Variants in TMCC1 observed in about 807,000 individuals in gnomAD.
TMCC1 encodes transmembrane and coiled-coil domains protein 1.
TMCC1 carries 15 observed loss-of-function variants against 52.4 expected under a neutral mutation model. That is an observed-to-expected ratio of 0.29 (90% confidence interval 0.19 to 0.44). TMCC1 has a LOEUF of 0.44. TMCC1 is among the 20% of genes least tolerant of loss of function. The pLI is 1.00. For missense variants in TMCC1, 503 were observed against 806.0 expected, an observed-to-expected ratio of 0.62 and a Z score of 4.55; for synonymous variants, 279 against 301.9, an observed-to-expected ratio of 0.92 and a Z score of 0.79.
At position 129,726,676 on chromosome 3, in the gene TMCC1, C is replaced by T. The variant is rs554168866; in HGVS notation, c.577-55412G>A. ...GGAGGATCACCTGAGGTCAAGAGTT[C>T]GAGACCAGCCTGGCCAACATGGTAA... On this transcript the variant is annotated intron_variant, in intron 4 of 6. Transcript: ENST00000393238. 5.3e-5 allele frequency among the ~76,000 whole-genome samples: 8 copies of T among 150,520 alleles called. No individual in the cohort carries two copies. In the East Asian group the frequency reaches 5.9e-4, roughly 11 times the overall value.
At chr3:129,666,774 A>G (rs2087491286) in intron 5 of TMCC1, among the ~76,000 whole-genome samples, 1 of 148,096 alleles carries the variant, frequency 6.8e-6, no homozygotes, top group Non-Finnish European at 1.5e-5. Flanking sequence ...AAAAGAAAAT[A>G]TATTTCAAAG....
chr3:129,812,966 T>A (rs2057904317), intron 4 of TMCC1, among the ~76,000 whole-genome samples: 1 of 152,062 alleles, frequency 6.6e-6, no homozygotes, highest in Admixed American at 6.6e-5. Flanking sequence ...TATAAGGAAC[T>A]TAAATCAGAC....
In TMCC1 at chr3:129,827,869, T is replaced by C; in HGVS notation, c.510A>G (p.Glu170=). Residue 170 remains glutamate, a synonymous_variant, in exon 4 of 7, where the codon GAA becomes GAG. Transcript: ENST00000393238. ...CAGCAGCAGCAGCAGCACAAGCTAT[T>C]TCCATCATAGCAGAGCTGGTAGGTG... is the stretch of plus-strand genomic sequence containing the variant. ...TDAPTSSAMM[E]IACAAAAAAA... The C allele has an allele frequency of 6.2e-7, 1 of 1,614,076 alleles. No individual in the cohort carries two copies. Among genetic ancestry groups the C allele is most frequent in the Non-Finnish European group, 8.5e-7 (1 of 1,179,976 alleles).
At chr3:129,891,395 CAT>C (rs1280012818) in intron 1 of TMCC1, among the ~76,000 whole-genome samples, 5 of 152,160 alleles carry the variant, frequency 3.3e-5, no homozygotes, top group East Asian at 1.9e-4. Flanking sequence ...TATTCTGTGA[CAT>C]GTGAAAATTT....
intron 2 of TMCC1, among the ~76,000 whole-genome samples, chr3:129,839,274 G>C (rs541030438): frequency 4.6e-5 from 7 of 152,134 alleles, no homozygotes; most frequent in Non-Finnish European, 7.3e-5. Context: ...AGGGAAAAGA[G>C]GGAAGAACTG....
intron 5 of TMCC1, among the ~76,000 whole-genome samples, chr3:129,661,690 C>T (rs1410025779): frequency 6.6e-6 from 1 of 152,064 alleles, no homozygotes; most frequent in Non-Finnish European, 1.5e-5. Flanking sequence ...GTAATCCCAG[C>T]TACTTGGGAG....
At chr3:129,823,234 G>T (rs1296608932) in intron 4 of TMCC1, among the ~76,000 whole-genome samples, 1 of 152,092 alleles carries the variant, frequency 6.6e-6, no homozygotes, top group Non-Finnish European at 1.5e-5. Context: ...GCTGAGGCAG[G>T]AGAATCGCTT....
chr3:129,734,885 CT>C (rs1173418507), intron 4 of TMCC1, among the ~76,000 whole-genome samples: 1 of 151,056 alleles, frequency 6.6e-6, no homozygotes, highest in East Asian at 1.9e-4. Context: ...CCATTAATCT[CT>C]TTATTTTTCT....
At chr3:129,880,819 CT>C (rs776346884) in intron 1 of TMCC1, among the ~76,000 whole-genome samples, 4 of 151,614 alleles carry the variant, frequency 2.6e-5, no homozygotes, top group Non-Finnish European at 2.9e-5. Context: ...ATCTGAAATA[CT>C]TCTGGTCTGA....
At chr3:129,856,148 TAA>T (rs2060137462) in intron 2 of TMCC1, among the ~76,000 whole-genome samples, 1 of 152,160 alleles carries the variant, frequency 6.6e-6, no homozygotes, top group Admixed American at 6.5e-5. Context: ...CATTTCAAAA[TAA>T]AGTTTTAAAA....
intron 4 of TMCC1, among the ~76,000 whole-genome samples, chr3:129,792,146 C>T (rs80128376): frequency 2.9e-4 from 44 of 150,270 alleles, no homozygotes; most frequent in African/African-American, 9.3e-4. Context: ...TTACTGAAGT[C>T]GGAAACATCT....
At chr3:129,811,363 C>G (rs1317624941) in intron 4 of TMCC1, among the ~76,000 whole-genome samples, 3 of 152,140 alleles carry the variant, frequency 2.0e-5, no homozygotes, top group African/African-American at 7.2e-5. Context: ...CTCTTGGCCT[C>G]AAGTGATCCT....
chr3:129,818,524 TTAAAGAAA>T (rs2058238246), intron 4 of TMCC1, among the ~76,000 whole-genome samples: 1 of 1,328 alleles, frequency 7.5e-4, no homozygotes, highest in African/African-American at 1.6e-3. Context: ...AAGAAAAGTT[TTAAAGAAA>T]CTTTTAAAGA....
Position 129,845,878 on chromosome 3 carries a change from T to A in TMCC1, c.-183-13052A>T, listed in dbSNP as rs918827820. Among the ~76,000 whole-genome samples, 136 of 151,788 alleles carry A rather than the reference T, an allele frequency of 9.0e-4. 1 individual carries two copies. The highest frequency in any genetic ancestry group is 3.4e-3 in the Middle Eastern group (1 of 294). ...GAGACCCTGTCTCTACAAAAAAAAA[T>A]TTTTAAGTGGCCAGATGTGGTGGCA... On this transcript the variant is annotated intron_variant, in intron 2 of 6. Coordinates refer to ENST00000393238, the MANE Select transcript of TMCC1 (RefSeq NM_001017395.5).
chr3:129,817,526 T>C (rs1207416660), intron 4 of TMCC1, among the ~76,000 whole-genome samples: 2 of 152,244 alleles, frequency 1.3e-5, no homozygotes, highest in Non-Finnish European at 2.9e-5. Flanking sequence ...GAATATTTAC[T>C]ATCTTATTAT....
intron 4 of TMCC1, among the ~76,000 whole-genome samples, chr3:129,679,720 A>G (rs964434868): frequency 1.3e-5 from 2 of 152,230 alleles, no homozygotes; most frequent in South Asian, 2.1e-4. Context: ...TATTTCATAA[A>G]AAACTAGAAT....
At chr3:129,679,639 T>C (rs2108914238) in intron 4 of TMCC1, among the ~76,000 whole-genome samples, 1 of 152,310 alleles carries the variant, frequency 6.6e-6, no homozygotes, top group African/African-American at 2.4e-5. Context: ...GGTTCCATTA[T>C]GAACTTCCTA....
At chr3:129,773,430 A>T (rs2054774297) in intron 4 of TMCC1, among the ~76,000 whole-genome samples, 1 of 152,218 alleles carries the variant, frequency 6.6e-6, no homozygotes, top group Admixed American at 6.5e-5. Flanking sequence ...CAGAAAATAA[A>T]CCAGAAGGAC....
At chr3:129,678,626 C>G (rs2088686880) in intron 4 of TMCC1, among the ~76,000 whole-genome samples, 1 of 152,096 alleles carries the variant, frequency 6.6e-6, no homozygotes, top group Non-Finnish European at 1.5e-5. Context: ...TCCCAAAGTG[C>G]TGGGATTACA....
Sources: gnomAD v4.1 joint callset for allele counts (sites outside exome capture counted in the v4.1 genomes callset) on GRCh38, gnomAD v4.1.1 for gene constraint, MANE v1.5 for transcripts, NCBI Gene and HGNC (gene_info 2026-07-23, HGNC 2026-07-21) for gene names.